Variants in CLTCL1 observed in about 807,000 individuals in gnomAD.
CLTCL1 encodes clathrin heavy chain 2.
In CLTCL1, 159 loss-of-function variants were observed where a neutral mutation model predicts 190.0. That is an observed-to-expected ratio of 0.84 (90% CI 0.74 to 0.95). The LOEUF is 0.95. Among genes scored for constraint, CLTCL1 ranks in the 40% least tolerant of loss-of-function variants. CLTCL1 has a pLI of 0.00. For missense variants in CLTCL1, 1,878 were observed against 2,033.4 expected (o/e 0.92, Z 1.47); for synonymous variants, 752 against 769.6 (o/e 0.98, Z 0.38).
rs782561861 is a variant in CLTCL1, at chr22:19,233,199, G to A, written c.1488C>T (p.Gly496=). Residue 496 remains glycine, a synonymous_variant, in exon 9 of 33, where the codon GGC becomes GGT. Coordinates refer to ENST00000427926, the MANE Select transcript of CLTCL1 (RefSeq NM_007098.4). ...CATAGAGCACAATTTTCTGGAATTG[G>A]CCTGTTTCTGCAAAACACTGGATCA... ...SKVIQCFAET[G]QFQKIVLYAK... 1.2e-6 allele frequency: 2 copies of A among 1,613,682 alleles called. No individual in the cohort carries two copies. The highest frequency in any genetic ancestry group is 1.7e-6 in the Non-Finnish European group (2 of 1,179,732).
intron 29 of CLTCL1, chr22:19,183,838 C>T (rs915543814): frequency 3.6e-5 from 20 of 555,278 alleles, no homozygotes; most frequent in East Asian, 6.2e-5. Context: ...CTCACGGAGG[C>T]GCAGGTGCCC....
intron 4 of CLTCL1, among the ~76,000 whole-genome samples, chr22:19,241,799 C>T (rs2086261593): frequency 6.6e-6 from 1 of 152,178 alleles, no homozygotes; most frequent in African/African-American, 2.4e-5. Flanking sequence ...CCCACTGGCT[C>T]CTGGGCACAG....
At chr22:19,194,728 G>A (rs1555934533) in intron 26 of CLTCL1, among the ~76,000 whole-genome samples, 1 of 152,224 alleles carries the variant, frequency 6.6e-6, no homozygotes, top group Admixed American at 6.5e-5. Context: ...TGGCTGAGCT[G>A]GGGTGCCCCC....
chr22:19,191,035 C>CA (rs1280244130), intron 27 of CLTCL1, among the ~76,000 whole-genome samples: 5 of 152,152 alleles, frequency 3.3e-5, no homozygotes, highest in African/African-American at 4.8e-5. Context: ...CTCGGCCTCC[C>CA]AAAGTGCTGG....
intron 1 of CLTCL1, among the ~76,000 whole-genome samples, chr22:19,279,954 G>C (rs1452679868): frequency 1.3e-5 from 2 of 152,224 alleles, no homozygotes; most frequent in Non-Finnish European, 2.9e-5. Flanking sequence ...GGATCTGTCT[G>C]TCTGCTGCCA....
chr22:19,232,486 T>C lies in CLTCL1; in HGVS notation c.1634A>G (p.Asn545Ser), dbSNP rs1022444035. The change falls in exon 10 of 33, where the codon AAC (asparagine) becomes AGC (serine). Residue 545 changes from asparagine to serine, a missense_variant. Coordinates refer to ENST00000427926, the MANE Select transcript of CLTCL1 (RefSeq NM_007098.4). The stretch of plus-strand genomic sequence containing the variant: ...ACTGCCTACGCTCACCTGGCTAATG[T>C]TGGCCAGCGGCTCCTCGTCCTGCAC... ...MLVQDEEPLA[N>S]ISQIVDIFME... 6.8e-6 allele frequency: 11 copies of C among 1,613,992 alleles called. No individual in the cohort carries two copies. The highest frequency in any genetic ancestry group is 1.1e-5 in the South Asian group (1 of 91,082).
intron 17 of CLTCL1, among the ~76,000 whole-genome samples, chr22:19,220,479 A>G (rs991814163): frequency 3.7e-4 from 57 of 152,348 alleles, no homozygotes; most frequent in African/African-American, 1.1e-3. Context: ...AAACACTGCA[A>G]TGTTTCAAGA....
In CLTCL1 at chr22:19,235,716, C is replaced by A; in HGVS notation, c.949G>T (p.Gly317Cys). 3.1e-6 allele frequency: 5 copies of A among 1,611,260 alleles called. No homozygotes were observed. Among genetic ancestry groups the A allele is most frequent in the Non-Finnish European group, 4.2e-6 (5 of 1,179,190 alleles). ...CACACCTGTCCCTTTTTGTTGACACCAATAATTCCAGAGGTTGGTTTGTGT... is the reference window on the plus strand; with the variant it reads ...CACACCTGTCCCTTTTTGTTGACACAAATAATTCCAGAGGTTGGTTTGTGT... The part of the protein sequence containing the change: ...APHKPTSGII[G>C]VNKKGQVLSV... The change falls in exon 6 of 33, where the codon GGT becomes TGT. Residue 317 changes from glycine (G) to cysteine (C), a missense_variant. Coordinates refer to ENST00000427926, the MANE Select transcript of CLTCL1 (RefSeq NM_007098.4).
At chr22:19,256,675 T>C (rs2086771031) in intron 2 of CLTCL1, among the ~76,000 whole-genome samples, 2 of 151,884 alleles carry the variant, frequency 1.3e-5, no homozygotes, top group Non-Finnish European at 2.9e-5. Flanking sequence ...TAATTTTTTT[T>C]TTTTTTTAGA....
chr22:19,249,093 T>G (rs988394597), intron 3 of CLTCL1, among the ~76,000 whole-genome samples: 4 of 152,198 alleles, frequency 2.6e-5, no homozygotes, highest in African/African-American at 7.2e-5. Flanking sequence ...GTTCAAATGA[T>G]CATGCCTATA....
rs1555944625 is a variant in CLTCL1 at position 19,208,902 on chromosome 22, G to A, written c.3442+20C>T. 4 of 1,584,134 alleles carry A rather than the reference G, an allele frequency of 2.5e-6. No homozygotes were observed. Among genetic ancestry groups the A allele is most frequent in the Non-Finnish European group, 3.4e-6 (4 of 1,163,840 alleles). ...TGCATCAGTGAGATGCAGAGCCCTA[G>A]GGAGAGGGGACTCACTTACTGCTCC... On this transcript the variant is annotated intron_variant, in intron 21 of 32. Coordinates refer to ENST00000427926, the MANE Select transcript of CLTCL1 (RefSeq NM_007098.4).
chr22:19,241,929 T>A (rs1198277089), intron 4 of CLTCL1, among the ~76,000 whole-genome samples: 2 of 149,762 alleles, frequency 1.3e-5, no homozygotes, highest in African/African-American at 4.9e-5. Flanking sequence ...GCAGAAACTG[T>A]GCCTCATCTA....
chr22:19,180,663 G>A, intron 31 of CLTCL1, 68 bp downstream of exon 31: 1 of 1,507,920 alleles, frequency 6.6e-7, no homozygotes, highest in Non-Finnish European at 9.2e-7. Flanking sequence ...AGCCAGGTAA[G>A]GGCAGTGGGA....
Position 19,199,821 on chromosome 22 carries a change from A to G in CLTCL1, c.3786T>C (p.Asp1262=). Residue 1262 remains aspartate, a synonymous_variant, in exon 24 of 33, where the codon GAT becomes GAC. Transcript: ENST00000427926. Reference sequence around the variant, plus strand: ...GCTGTGCGAAGCGGAACTCTTGTCCATCCATGCAGGCAAAGCACACCTAGG... The same window carrying G: ...GCTGTGCGAAGCGGAACTCTTGTCCGTCCATGCAGGCAAAGCACACCTAGG... ...TWKEVCFACM[D]GQEFRFAQLC... is the part of the protein sequence containing the mutation. The G allele has an allele frequency of 6.3e-7, 1 of 1,595,642 alleles. No individual in the cohort carries two copies. The highest frequency in any genetic ancestry group is 8.5e-7 in the Non-Finnish European group (1 of 1,171,502).
chr22:19,282,636 A>AAAAAAG (rs1195680436), intron 1 of CLTCL1, among the ~76,000 whole-genome samples: 1 of 151,822 alleles, frequency 6.6e-6, no homozygotes, highest in East Asian at 1.9e-4. Flanking sequence ...CTCAAAAAAA[A>AAAAAAG]AAAAAGAAAA....
Position 19,198,316 on chromosome 22 carries a change from G to A in CLTCL1, c.3873+1418C>T, listed in dbSNP as rs897850678. Among the ~76,000 whole-genome samples, 17 of 151,912 alleles carry A rather than the reference G, an allele frequency of 1.1e-4. No homozygotes were observed. The highest frequency in any genetic ancestry group is 6.6e-4 in the Admixed American group (10 of 15,250). On this transcript the variant is annotated intron_variant, in intron 24 of 32. Coordinates refer to ENST00000427926, the MANE Select transcript of CLTCL1 (RefSeq NM_007098.4). The surrounding 1 kb of genome is among the most constrained non-coding windows in gnomAD (Gnocchi z 4.1). Reference sequence around the variant, plus strand: ...CTAGTCAGAGTCACTGTCCCTTCTCGCCTAGACCACTGCAACAGCCTCCAG... The same window carrying A: ...CTAGTCAGAGTCACTGTCCCTTCTCACCTAGACCACTGCAACAGCCTCCAG...
At position 19,246,436 on chromosome 22, in the gene CLTCL1, T is replaced by C. The variant is rs186988927; in HGVS notation, c.520-3500A>G. ...CATTTTTATATTCCTACCACTAATG[T>C]AGGAGGGTTCCAATTTCTCCATAAC... On this transcript the variant is annotated intron_variant, in intron 3 of 32. Transcript: ENST00000427926. Among the ~76,000 whole-genome samples the C allele has an allele frequency of 6.6e-5, 10 of 152,224 alleles. No homozygotes were observed. In the East Asian group the frequency reaches 1.7e-3, roughly 26 times the overall value.
rs2085371833 is a variant in CLTCL1 at position 19,215,987 on chromosome 22, G to A, written c.3065+124C>T. ...GAGGAGGTGGTAAGAAGATTGGCAT[G>A]TCTGGGGAGCAGCCAATGGGCAGGC... On this transcript the variant is annotated intron_variant, in intron 19 of 32. Transcript: ENST00000427926. 7.1e-6 allele frequency: 6 copies of A among 842,334 alleles called. No homozygotes were observed. The South Asian group carries it at 1.0e-4, about 15-fold the overall frequency. 52.2% of individuals were successfully genotyped at this position (842,334 alleles called of 1,614,324 possible).
At chr22:19,277,509 AAC>A (rs1359130022) in intron 1 of CLTCL1, among the ~76,000 whole-genome samples, 86 of 152,304 alleles carry the variant, frequency 5.6e-4, no homozygotes, top group African/African-American at 1.9e-3. Flanking sequence ...AACAAACAAA[AAC>A]ACATATAACA....
Sources: allele counts gnomAD v4.1 joint callset (sites outside exome capture counted in the v4.1 genomes callset), GRCh38; gene constraint gnomAD v4.1.1; non-coding constraint Gnocchi (gnomAD v3.1); transcripts MANE v1.5; gene names NCBI Gene and HGNC (gene_info 2026-07-23, HGNC 2026-07-21).